PFN2: variants seen among roughly 807,000 people sequenced by gnomAD.
PFN2 encodes profilin 2, also known as profilin-2.
In PFN2, 8 loss-of-function variants were observed where a neutral mutation model predicts 15.3. The ratio of observed to expected loss-of-function variants is 0.52; its 90% CI spans 0.31 to 0.95. PFN2 has a LOEUF of 0.95. Ranked by LOEUF, PFN2 falls within the 40% of genes least tolerant of loss-of-function variation. PFN2 has a pLI of 0.05. For missense variants in PFN2, 111 were observed against 182.3 expected, an observed-to-expected ratio of 0.61 and a Z score of 2.25; for synonymous variants, 79 against 67.9, an observed-to-expected ratio of 1.16 and a Z score of -0.81.
Position 149,964,944 on chromosome 3 carries a change from G to A in PFN2, c.*1545C>T. ...TTTATTTCATCTGTCTGTAAACAAG[G>A]TGTTTAATAGTTATGGCATTTTTTT... On this transcript the variant is annotated 3_prime_UTR_variant, in exon 3 of 3. Coordinates refer to ENST00000239940, the MANE Select transcript of PFN2 (RefSeq NM_053024.4). 2.8e-6 allele frequency: 1 copy of A among 357,140 alleles called. No homozygotes were observed. Among genetic ancestry groups the A allele is most frequent in the Non-Finnish European group, 5.0e-6 (1 of 198,766 alleles). The allele number at this position is 357,140 out of a possible 1,614,324, so 22.1% of individuals were successfully genotyped here.
rs368913205 is a variant in PFN2, at chr3:149,966,141, T to C, written c.*348A>G. 2.1e-5 allele frequency: 34 copies of C among 1,607,828 alleles called. No homozygotes were observed. In the African/African-American group the frequency reaches 4.2e-4, roughly 20 times the overall value. ...TAATTAGGGTTGTTGATGAAGACAG[T>C]TGCTAGGTAGATGGGGAGAGGCTGC... On this transcript the variant is annotated 3_prime_UTR_variant, in exon 3 of 3. Transcript: ENST00000239940.
chr3:149,968,129 A>C (rs1722742203), intron 2 of PFN2: 1 of 434,654 alleles, frequency 2.3e-6, no homozygotes, highest in Non-Finnish European at 4.1e-6. Flanking sequence ...GCTGAAAGTG[A>C]GTTCATACGA....
chr3:149,964,996 G>C lies in PFN2; in HGVS notation c.*1493C>G, dbSNP rs1722642745. On this transcript the variant is annotated 3_prime_UTR_variant, in exon 3 of 3. Coordinates refer to ENST00000239940, the MANE Select transcript of PFN2 (RefSeq NM_053024.4). ...AATGCATATTAAATCAGATGAGTTAGACTGTATCCCAGATGTAACAAAGTG... is the reference window on the plus strand; with the variant it reads ...AATGCATATTAAATCAGATGAGTTACACTGTATCCCAGATGTAACAAAGTG... 1 of 495,646 alleles carries C rather than the reference G, an allele frequency of 2.0e-6. No homozygotes were observed. Among genetic ancestry groups the C allele is most frequent in the South Asian group, 3.7e-5 (1 of 27,154 alleles). The allele number at this position is 495,646 out of a possible 1,614,324, so 30.7% of individuals were successfully genotyped here. A position where few individuals can be genotyped will look rare whatever the true frequency, so the allele number is the denominator to read the frequency against.
rs747067394 is a variant in PFN2, at chr3:149,968,589, C to T, written c.133-39G>A. The T allele has an allele frequency of 1.7e-5, 22 of 1,330,006 alleles. No homozygotes were observed. In the Admixed American group the frequency reaches 4.3e-4, roughly 26 times the overall value. 82.4% of individuals were successfully genotyped at this position (1,330,006 alleles called of 1,614,324 possible). ...AAAAGAAAAAAAAAAAACACACACA[C>T]ATTAAGTTGTAGTTAACTCCTTTTA... On this transcript the variant is annotated intron_variant, in intron 1 of 2. Coordinates refer to ENST00000239940, the MANE Select transcript of PFN2 (RefSeq NM_053024.4).
chr3:149,970,462 G>C, intron 1 of PFN2: 1 of 283,632 alleles, frequency 3.5e-6, no homozygotes, highest in Non-Finnish European at 6.5e-6. Flanking sequence ...CACCTGGACC[G>C]ACGCTGGGAA....
Position 149,965,548 on chromosome 3 carries a change from A to G in PFN2, c.*941T>C, listed in dbSNP as rs1355419232. On this transcript the variant is annotated 3_prime_UTR_variant, in exon 3 of 3. Transcript: ENST00000239940. ...ACTCTTCATATGTCCTGTAGACACT[A>G]TGAATAAAGGTTTGTCTCTGCTCAA... is the stretch of plus-strand genomic sequence containing the variant. 7 of 1,299,486 alleles carry G rather than the reference A, an allele frequency of 5.4e-6. No individual in the cohort carries two copies. The South Asian group carries it at 1.3e-4, about 25-fold the overall frequency. The allele number at this position is 1,299,486 out of a possible 1,614,324, so 80.5% of individuals were successfully genotyped here.
At chr3:149,968,801 A>G in intron 1 of PFN2, 1 of 432,272 alleles carries the variant, frequency 2.3e-6, no homozygotes, top group Non-Finnish European at 4.1e-6. Context: ...AGACCAGTCT[A>G]TACAAAGAAA....
chr3:149,968,927 T>G (rs1722767388), intron 1 of PFN2: 1 of 192,344 alleles, frequency 5.2e-6, no homozygotes, highest in Non-Finnish European at 1.1e-5. Flanking sequence ...AATTCAGCTA[T>G]CAACTCTGAA....
In PFN2 at chr3:149,965,288, A is replaced by G. The variant is rs1335888761; in HGVS notation, c.*1201T>C. On this transcript the variant is annotated 3_prime_UTR_variant, in exon 3 of 3. Coordinates refer to ENST00000239940, the MANE Select transcript of PFN2 (RefSeq NM_053024.4). The stretch of plus-strand genomic sequence containing the variant: ...CTTCATATAAAAACTCAAGCTGCAA[A>G]TAAAAATTGGTCCTATGAAGAACAA... The G allele has an allele frequency of 6.5e-7, 1 of 1,535,368 alleles. No homozygotes were observed. The highest frequency in any genetic ancestry group is 2.4e-5 in the East Asian group (1 of 40,890).
intron 1 of PFN2, 127 bp downstream of exon 1, chr3:149,970,598 G>C: frequency 2.1e-6 from 2 of 973,296 alleles, no homozygotes; most frequent in Non-Finnish European, 2.7e-6. Flanking sequence ...CCGCATCCTC[G>C]GCGCCCGCTG....
intron 1 of PFN2, 98 bp downstream of exon 1, chr3:149,970,627 T>C: frequency 8.1e-7 from 1 of 1,234,220 alleles, no homozygotes; most frequent in Non-Finnish European, 1.1e-6. Context: ...ACCTGCGGGC[T>C]CGGCCCTCAG....
rs550532075 is a variant in PFN2, at chr3:149,966,452, G to A, written c.*37C>T. 11 of 1,604,810 alleles carry A rather than the reference G, an allele frequency of 6.9e-6. No individual in the cohort carries two copies. The East Asian group carries it at 2.5e-4, about 36-fold the overall frequency. On this transcript the variant is annotated 3_prime_UTR_variant, in exon 3 of 3. Transcript: ENST00000239940. ...AGCTTATAGCTAGGAAAGTTTAAGA[G>A]CAATTTTCCCCTAATACTTAACAGT... is the stretch of plus-strand genomic sequence containing the variant.
chr3:149,965,958 G>A lies in PFN2; in HGVS notation c.*531C>T. ...CCTCCCCCCAATTTCAAGGTATCAT[G>A]CAAATCATTATTGTGCTGCAATTAT... On this transcript the variant is annotated 3_prime_UTR_variant, in exon 3 of 3. Transcript: ENST00000239940. The A allele has an allele frequency of 1.5e-6, 2 of 1,356,256 alleles. No homozygotes were observed. Among genetic ancestry groups the A allele is most frequent in the Non-Finnish European group, 1.9e-6 (2 of 1,058,606 alleles). 84.0% of individuals were successfully genotyped at this position (1,356,256 alleles called of 1,614,324 possible). A position where few individuals can be genotyped will look rare whatever the true frequency, so the allele number is the denominator to read the frequency against.
chr3:149,969,255 G>T (rs1269286062), intron 1 of PFN2, among the ~76,000 whole-genome samples: 1 of 152,116 alleles, frequency 6.6e-6, no homozygotes, highest in Non-Finnish European at 1.5e-5. Flanking sequence ...GTAGGCAATA[G>T]TAAAACAGAA....
In PFN2 at chr3:149,965,669, A is replaced by G; in HGVS notation, c.*820T>C. On this transcript the variant is annotated 3_prime_UTR_variant, in exon 3 of 3. Transcript: ENST00000239940. ...GTTAAAAAAAAACAGGCACTGCATA[A>G]AAAAAGATGGAAGCAAACCAAATGC... The G allele has an allele frequency of 9.5e-7, 1 of 1,055,118 alleles. No individual in the cohort carries two copies. Among genetic ancestry groups the G allele is most frequent in the Non-Finnish European group, 1.1e-6 (1 of 875,550 alleles). The allele number at this position is 1,055,118 out of a possible 1,614,324, so 65.4% of individuals were successfully genotyped here.
At chr3:149,967,934 C>T (rs1418080098) in intron 2 of PFN2, among the ~76,000 whole-genome samples, 1 of 152,074 alleles carries the variant, frequency 6.6e-6, no homozygotes, top group Non-Finnish European at 1.5e-5. Flanking sequence ...ATTTTTCCTT[C>T]TTTATGCTGA....
Position 149,970,788 on chromosome 3 carries a change from G to T in PFN2, c.69C>A (p.Val23=). Residue 23 remains valine, a synonymous_variant, in exon 1 of 3, where the codon GTC becomes GTA. Transcript: ENST00000239940. ...AGACGTATTTGGCGTCGCAGTAGCC[G>T]ACAATGGCGGCCTCCTGGCAGCAGC... ...CDGCCQEAAI[V]GYCDAKYVWA... The T allele has an allele frequency of 2.0e-6, 3 of 1,514,554 alleles. No individual in the cohort carries two copies. The highest frequency in any genetic ancestry group is 2.7e-6 in the Non-Finnish European group (3 of 1,128,080). 93.8% of individuals were successfully genotyped at this position (1,514,554 alleles called of 1,614,324 possible).
At position 149,966,154 on chromosome 3, in the gene PFN2, G is replaced by C; in HGVS notation, c.*335C>G. The C allele has an allele frequency of 6.2e-7, 1 of 1,611,170 alleles. No individual in the cohort carries two copies. The highest frequency in any genetic ancestry group is 8.5e-7 in the Non-Finnish European group (1 of 1,178,684). Reference sequence around the variant, plus strand: ...TGATGAAGACAGTTGCTAGGTAGATGGGGAGAGGCTGCTTACACATCAGAC... The same window carrying C: ...TGATGAAGACAGTTGCTAGGTAGATCGGGAGAGGCTGCTTACACATCAGAC... On this transcript the variant is annotated 3_prime_UTR_variant, in exon 3 of 3. Transcript: ENST00000239940.
At position 149,965,851 on chromosome 3, in the gene PFN2, C is replaced by T. The variant is rs1163555328; in HGVS notation, c.*638G>A. On this transcript the variant is annotated 3_prime_UTR_variant, in exon 3 of 3. Coordinates refer to ENST00000239940, the MANE Select transcript of PFN2 (RefSeq NM_053024.4). ...CACTGATCAGAGATTGTACAACCGG[C>T]ACCTTGCTTAATATTAACTTATTTT... 4 of 1,151,020 alleles carry T rather than the reference C, an allele frequency of 3.5e-6. No individual in the cohort carries two copies. The highest frequency in any genetic ancestry group is 3.2e-6 in the Non-Finnish European group (3 of 934,082). 71.3% of individuals were successfully genotyped at this position (1,151,020 alleles called of 1,614,324 possible).
Sources: gnomAD v4.1 joint callset for allele counts (sites outside exome capture counted in the v4.1 genomes callset) on GRCh38, gnomAD v4.1.1 for gene constraint, MANE v1.5 for transcripts, NCBI Gene and HGNC (gene_info 2026-07-23, HGNC 2026-07-21) for gene names.